The following DNAH2 variants were observed in gnomAD, a reference collection of about 807,000 sequenced individuals.
The protein encoded by DNAH2 is axonemal beta dynein heavy chain 2.
In DNAH2, 323 loss-of-function variants were observed where a neutral mutation model predicts 523.5. The observed-to-expected ratio is 0.62, with a 90% CI of 0.56 to 0.68. The LOEUF (loss-of-function observed/expected upper bound fraction) is 0.68. Ranked by LOEUF, DNAH2 falls within the 30% of genes least tolerant of loss-of-function variation. DNAH2 has a pLI of 0.00. For missense variants in DNAH2, 4,907 were observed against 5,701.5 expected, an observed-to-expected ratio of 0.86 and a Z score of 4.49; for synonymous variants, 2,093 against 2,177.4, an observed-to-expected ratio of 0.96 and a Z score of 1.08.
chr17:7,775,666 CAA>C (rs1318742848), intron 30 of DNAH2, among the ~76,000 whole-genome samples: 1 of 78,326 alleles, frequency 1.3e-5, no homozygotes, highest in Non-Finnish European at 2.4e-5. Flanking sequence ...GCCTGGGGAA[CAA>C]GAGTGAAACT....
Position 7,817,495 on chromosome 17 carries a change from C to T in DNAH2, c.10021-66C>T, listed in dbSNP as rs540298377. On this transcript the variant is annotated intron_variant, in intron 65 of 85. Transcript: ENST00000572933. ...GACCTTTGGGAATATTAAGAGATAC[C>T]GTGAAGGCGCGGGGGCTGCTGGGCT... The T allele has an allele frequency of 1.2e-4, 196 of 1,613,354 alleles. 4 individuals carry two copies. The South Asian group carries it at 1.7e-3, about 14-fold the overall frequency.
Position 7,818,635 on chromosome 17 carries a change from GCC to G in DNAH2, c.10537-4_10537-3del. The G allele has an allele frequency of 2.5e-6, 4 of 1,613,678 alleles. No individual in the cohort carries two copies. The highest frequency in any genetic ancestry group is 3.4e-6 in the Non-Finnish European group (4 of 1,179,954). On this transcript the variant is annotated splice_polypyrimidine_tract_variant and splice_region_variant and intron_variant, in intron 69 of 85. Coordinates refer to ENST00000572933, the MANE Select transcript of DNAH2 (RefSeq NM_020877.5). ...ACAGCCCCTCACTGTGAGTCCTGAT[GCC>G]CCCAGGGCCTGGAGGCCCAGCTGCT...
At chr17:7,820,627 TC>T (rs2077825027) in intron 72 of DNAH2, among the ~76,000 whole-genome samples, 1 of 152,252 alleles carries the variant, frequency 6.6e-6, no homozygotes, top group Admixed American at 6.5e-5. Flanking sequence ...TGATGGCCTC[TC>T]TGTCCTCTCC....
chr17:7,777,617 C>T lies in DNAH2; in HGVS notation c.5230C>T (p.Arg1744Trp), dbSNP rs765770535. ...TTCCTTTGACTGGCTCAGCCAACTT[C>T]GGTTCTACTGGGAGAAGGTGCCAGA... ...VNSFDWLSQL[R>W]FYWEKDLDDC... The change falls in exon 33 of 86, where the codon CGG (arginine) becomes TGG (tryptophan). Residue 1744 changes from arginine (R) to tryptophan (W), a missense_variant. Physicochemically the swap from Arg to Trp is moderately radical, Grantham distance 101. Around this residue, in one of 3 missense-constraint regions of DNAH2, gnomAD observed 2,806 missense variants for 3,190.8 expected, o/e 0.88. Transcript: ENST00000572933. 1.9e-6 allele frequency: 3 copies of T among 1,614,150 alleles called. No individual in the cohort carries two copies. The highest frequency in any genetic ancestry group is 1.3e-5 in the African/African-American group (1 of 75,036).
chr17:7,740,923 C>T lies in DNAH2; in HGVS notation c.1620C>T (p.Tyr540=), dbSNP rs561236402. The T allele has an allele frequency of 3.6e-5, 58 of 1,613,748 alleles. No homozygotes were observed. Among genetic ancestry groups the T allele is most frequent in the Non-Finnish European group, 4.6e-5 (54 of 1,179,630 alleles). The change falls in exon 11 of 86, where the codon TAC becomes TAT. Residue 540 remains tyrosine (Y), a synonymous_variant. Coordinates refer to ENST00000572933, the MANE Select transcript of DNAH2 (RefSeq NM_020877.5). ...RNKKWPDLEP[Y]VAQYSGKARW... is the part of the protein sequence containing the mutation. ...AGAAATGGCCAGACCTGGAGCCCTA[C>T]GTGGCCCAGTATTCCGGAAAGGCGC...
chr17:7,830,198 G>A, intron 77 of DNAH2, 102 bp from the exon 78 acceptor site: 2 of 1,264,398 alleles, frequency 1.6e-6, no homozygotes, highest in South Asian at 1.5e-5. Flanking sequence ...TTCAGCCAGT[G>A]CCTTTGTGCA....
At chr17:7,793,455 C>CTT (rs1461952097) in intron 48 of DNAH2, among the ~76,000 whole-genome samples, 15 of 83,838 alleles carry the variant, frequency 1.8e-4, no homozygotes, top group Admixed American at 4.8e-4. Context: ...CTTTTTCTTT[C>CTT]TTTCTTTCTT....
At chr17:7,773,150 T>C (rs2076363184) in intron 28 of DNAH2, among the ~76,000 whole-genome samples, 1 of 152,182 alleles carries the variant, frequency 6.6e-6, no homozygotes, top group Non-Finnish European at 1.5e-5. Flanking sequence ...TGAATTGACA[T>C]GACAGTAAGT....
chr17:7,793,500 TTTC>T (rs1453428977), intron 48 of DNAH2, among the ~76,000 whole-genome samples: 1 of 137,850 alleles, frequency 7.3e-6, no homozygotes, highest in Non-Finnish European at 1.7e-5. Context: ...TCTTTCTTTC[TTTC>T]TTTCTTTCTT....
intron 39 of DNAH2, among the ~76,000 whole-genome samples, chr17:7,783,620 T>G (rs960015814): frequency 1.3e-5 from 2 of 151,714 alleles, no homozygotes; most frequent in African/African-American, 4.8e-5. Flanking sequence ...GTGAGGAGTT[T>G]GAGACCAGCG....
chr17:7,813,294 T>C (rs2077571000), intron 63 of DNAH2, among the ~76,000 whole-genome samples: 1 of 151,866 alleles, frequency 6.6e-6, no homozygotes, highest in African/African-American at 2.4e-5. Context: ...AGGGTCTTGC[T>C]GTGCTGCTAC....
chr17:7,809,936 A>G (rs1185086711), intron 63 of DNAH2, among the ~76,000 whole-genome samples: 1 of 151,044 alleles, frequency 6.6e-6, no homozygotes, highest in Non-Finnish European at 1.5e-5. Context: ...TTGAATTCCC[A>G]TCTCAGTCTT....
chr17:7,778,547 G>T, intron 35 of DNAH2, 78 bp downstream of exon 35: 1 of 1,370,636 alleles, frequency 7.3e-7, no homozygotes. Flanking sequence ...ACCCAAATCT[G>T]GTTCAGTGCT....
rs1021037832 is a variant in DNAH2, at chr17:7,740,665, G to A, written c.1506+116G>A. On this transcript the variant is annotated intron_variant, in intron 10 of 85. Coordinates refer to ENST00000572933, the MANE Select transcript of DNAH2 (RefSeq NM_020877.5). ...CCTTCTCCATGTCCAGCATTCGGGC[G>A]CCTCTTGTCTTTCTTCTGTTCCCTG... The A allele has an allele frequency of 5.2e-6, 8 of 1,538,162 alleles. No homozygotes were observed. The African/African-American group carries it at 1.1e-4, about 21-fold the overall frequency.
intron 4 of DNAH2, among the ~76,000 whole-genome samples, chr17:7,730,791 A>C (rs1020079294): frequency 3.7e-4 from 56 of 151,924 alleles, no homozygotes; most frequent in African/African-American, 1.3e-3. Context: ...ACAGAGCGAG[A>C]GTCTGTCTCA....
chr17:7,791,844 G>T, intron 44 of DNAH2, 73 bp from the exon 45 acceptor site: 2 of 1,447,126 alleles, frequency 1.4e-6, no homozygotes, highest in Non-Finnish European at 1.9e-6. Flanking sequence ...CCACACTCTG[G>T]TGTCACGAGT....
In DNAH2 at chr17:7,797,826, C is replaced by T. The variant is rs1331812468; in HGVS notation, c.8227C>T (p.His2743Tyr). 1 of 1,609,222 alleles carries T rather than the reference C, an allele frequency of 6.2e-7. No individual in the cohort carries two copies. The highest frequency in any genetic ancestry group is 8.5e-7 in the Non-Finnish European group (1 of 1,177,322). ...QLVLFREAIE[H>Y]ITRIVRVIGQ... ...AGTGCTCTTCCGAGAGGCTATTGAA[C>T]ACAGTGAGCACCTGCCACGCCTATC... The change falls in exon 53 of 86, where the codon CAC (histidine) becomes TAC (tyrosine). Residue 2743 changes from histidine (H) to tyrosine (Y), a missense_variant. This residue lies in a region of DNAH2 where 250 missense variants were observed against 371.3 expected (regional missense o/e 0.67). Coordinates refer to ENST00000572933, the MANE Select transcript of DNAH2 (RefSeq NM_020877.5).
chr17:7,769,237 C>G (rs1393623329), intron 24 of DNAH2, among the ~76,000 whole-genome samples: 1 of 152,176 alleles, frequency 6.6e-6, no homozygotes, highest in Admixed American at 6.5e-5. Flanking sequence ...TCTCGGCTCA[C>G]TGTAACCTTC....
chr17:7,818,296 C>G lies in DNAH2; in HGVS notation c.10388-16C>G. 1 of 1,613,456 alleles carries G rather than the reference C, an allele frequency of 6.2e-7. No homozygotes were observed. The highest frequency in any genetic ancestry group is 8.5e-7 in the Non-Finnish European group (1 of 1,179,838). ...ATCACATGGAGTCCTTGCCCCTGAC[C>G]CTTCCGTGGATGCAGGTGGTCGGCT... On this transcript the variant is annotated splice_polypyrimidine_tract_variant and intron_variant, in intron 68 of 85. Coordinates refer to ENST00000572933, the MANE Select transcript of DNAH2 (RefSeq NM_020877.5).
Sources: gnomAD v4.1 joint callset for allele counts (sites outside exome capture counted in the v4.1 genomes callset) on GRCh38, gnomAD v4.1.1 for gene constraint, gnomAD v4.1.1 regional missense constraint, MANE v1.5 for transcripts, NCBI Gene and HGNC (gene_info 2026-07-23, HGNC 2026-07-21) for gene names.